MIB1: variants seen among roughly 807,000 people sequenced by gnomAD.
MIB1 encodes the protein MIB E3 ubiquitin protein ligase 1.
In MIB1, 278 loss-of-function variants were observed where a neutral mutation model predicts 124.5. That is an observed-to-expected ratio of 2.23 (90% CI 2.02 to 2.47). The LOEUF (loss-of-function observed/expected upper bound fraction) is 2.47. MIB1 is among the 30% of genes most tolerant of loss of function. MIB1 has a pLI of 0.00. For synonymous variants in MIB1, 446 were observed against 429.4 expected, an observed-to-expected ratio of 1.04 and a Z score of -0.48; for missense variants, 957 against 1,254.4, an observed-to-expected ratio of 0.76 and a Z score of 3.58.
At chr18:21,769,052 C>G (rs2041196850) in intron 3 of MIB1, among the ~76,000 whole-genome samples, 1 of 152,152 alleles carries the variant, frequency 6.6e-6, no homozygotes, top group African/African-American at 2.4e-5. Context: ...TAAGCAGTAT[C>G]TCATGTCCTC....
At chr18:21,849,149 G>A in intron 16 of MIB1, 47 bp from the exon 17 acceptor site, 3 of 1,210,008 alleles carry the variant, frequency 2.5e-6, no homozygotes, top group Non-Finnish European at 3.4e-6. Context: ...TTTAATTAGT[G>A]AATTTGTAAT....
At chr18:21,765,282 G>C (rs1325554561) in intron 1 of MIB1, among the ~76,000 whole-genome samples, 1 of 152,114 alleles carries the variant, frequency 6.6e-6, no homozygotes, top group Non-Finnish European at 1.5e-5. Context: ...AACTTTTCCT[G>C]ACTATGGGAA....
chr18:21,854,258 A>C (rs1037076926), intron 18 of MIB1, among the ~76,000 whole-genome samples: 5 of 152,196 alleles, frequency 3.3e-5, no homozygotes, highest in South Asian at 2.1e-4. Flanking sequence ...TAAAGGGTGA[A>C]ATAGTAAATA....
intron 17 of MIB1, among the ~76,000 whole-genome samples, chr18:21,850,811 C>T (rs923488338): frequency 1.3e-5 from 2 of 152,076 alleles, no homozygotes; most frequent in Admixed American, 6.5e-5. Context: ...TACCTGTTTA[C>T]GAAGTAATAG....
Position 21,844,259 on chromosome 18 carries a change from T to A in MIB1, c.2211+6T>A. 6.2e-7 allele frequency: 1 copy of A among 1,613,606 alleles called. No individual in the cohort carries two copies. Among genetic ancestry groups the A allele is most frequent in the Non-Finnish European group, 8.5e-7 (1 of 1,179,702 alleles). On this transcript the variant is annotated splice_donor_region_variant and intron_variant, in intron 15 of 20. Coordinates refer to ENST00000261537, the MANE Select transcript of MIB1 (RefSeq NM_020774.4). The stretch of plus-strand genomic sequence containing the variant: ...GGGAGCCATCCAAAAACACGGTGAG[T>A]AAAGATCATCTTTCATTCAGTACCA...
chr18:21,750,774 C>G (rs926237173), intron 1 of MIB1, among the ~76,000 whole-genome samples: 3 of 152,158 alleles, frequency 2.0e-5, no homozygotes, highest in Admixed American at 2.0e-4. Flanking sequence ...ATCTCCTGCC[C>G]CACACCTCTT....
chr18:21,725,289 G>A (rs1172195827), intron 1 of MIB1, among the ~76,000 whole-genome samples: 1 of 152,076 alleles, frequency 6.6e-6, no homozygotes, highest in Admixed American at 6.6e-5. Flanking sequence ...ACTTCAAGAT[G>A]AAAAAATGTA....
intron 2 of MIB1, among the ~76,000 whole-genome samples, chr18:21,768,129 G>C (rs983968463): frequency 6.6e-5 from 10 of 152,122 alleles, no homozygotes; most frequent in African/African-American, 2.2e-4. Flanking sequence ...TCTTTCTTGG[G>C]CTGTCATTAC....
intron 2 of MIB1, among the ~76,000 whole-genome samples, chr18:21,766,756 A>G (rs1299349295): frequency 6.8e-6 from 1 of 147,350 alleles, no homozygotes; most frequent in East Asian, 1.9e-4. Context: ...AAAATGAATA[A>G]GGCTGGGCGG....
chr18:21,728,557 C>G (rs912166996), intron 1 of MIB1, among the ~76,000 whole-genome samples: 5 of 152,086 alleles, frequency 3.3e-5, no homozygotes. Context: ...CACCCGTTCT[C>G]CACATCATCA....
At chr18:21,774,553 G>A (rs918300543) in intron 4 of MIB1, among the ~76,000 whole-genome samples, 2 of 152,176 alleles carry the variant, frequency 1.3e-5, no homozygotes, top group African/African-American at 4.8e-5. Context: ...CCGAGATCAC[G>A]CCATTGTACT....
At chr18:21,737,310 T>C (rs1477664293), upstream of MIB1, among the ~76,000 whole-genome samples, 4 of 152,084 alleles carry the variant, frequency 2.6e-5, no homozygotes, top group Non-Finnish European at 5.9e-5. Context: ...AGAAATAAAA[T>C]CATTTTCAGA....
At chr18:21,843,348 ATATC>A in intron 14 of MIB1, 131 bp downstream of exon 14, 1 of 558,888 alleles carries the variant, frequency 1.8e-6, no homozygotes, top group Non-Finnish European at 3.0e-6. Context: ...GTAAATCTAA[ATATC>A]TAAATACAAT....
intron 10 of MIB1, among the ~76,000 whole-genome samples, chr18:21,804,690 A>G (rs1442092162): frequency 6.6e-6 from 1 of 152,216 alleles, no homozygotes; most frequent in Non-Finnish European, 1.5e-5. Context: ...TTTAGAATAA[A>G]TCAAATTCTA....
intron 20 of MIB1, among the ~76,000 whole-genome samples, chr18:21,863,658 T>C (rs2042295932): frequency 6.6e-6 from 1 of 151,982 alleles, no homozygotes; most frequent in African/African-American, 2.4e-5. Context: ...CAGGGTGGGC[T>C]GTGGGTAGTT....
At chr18:21,766,494 A>C (rs969950376) in intron 2 of MIB1, among the ~76,000 whole-genome samples, 30 of 152,192 alleles carry the variant, frequency 2.0e-4, no homozygotes, top group Non-Finnish European at 2.4e-4. Context: ...AGAGAGGAGT[A>C]TTCATTGTTA....
intron 7 of MIB1, among the ~76,000 whole-genome samples, chr18:21,795,334 ATAAT>A (rs1310866375): frequency 7.3e-6 from 1 of 137,296 alleles, no homozygotes; most frequent in Non-Finnish European, 1.5e-5. Flanking sequence ...ATATAAATAT[ATAAT>A]ATATATAATA....
At chr18:21,712,951 A>C (rs1221717400) in intron 1 of MIB1, among the ~76,000 whole-genome samples, 1 of 151,712 alleles carries the variant, frequency 6.6e-6, no homozygotes, top group Non-Finnish European at 1.5e-5. Context: ...GGAATATTTT[A>C]TATTTATTAT....
At chr18:21,774,734 G>C (rs2041261083) in intron 4 of MIB1, among the ~76,000 whole-genome samples, 2 of 151,868 alleles carry the variant, frequency 1.3e-5, no homozygotes, top group Admixed American at 1.3e-4. Flanking sequence ...AAAATCAACT[G>C]TCTATGTTCT....
Sources: allele counts gnomAD v4.1 joint callset (sites outside exome capture counted in the v4.1 genomes callset), GRCh38; gene constraint gnomAD v4.1.1; transcripts MANE v1.5; gene names NCBI Gene and HGNC (gene_info 2026-07-23, HGNC 2026-07-21).